Variants in ARRB1 observed in about 807,000 individuals in gnomAD.
ARRB1 encodes the protein arrestin beta 1.
ARRB1 carries 21 observed loss-of-function variants against 56.8 expected under a neutral mutation model. The ratio of observed to expected loss-of-function variants is 0.37; its 90% confidence interval spans 0.26 to 0.53. The LOEUF is 0.53. Among genes scored for constraint, ARRB1 ranks in the 20% least tolerant of loss-of-function variants. The pLI is 0.88. For missense variants in ARRB1, 424 were observed against 553.7 expected, an observed-to-expected ratio of 0.77 and a Z score of 2.35; for synonymous variants, 210 against 218.6, an observed-to-expected ratio of 0.96 and a Z score of 0.35.
At chr11:75,324,606 C>T (rs760042352) in intron 1 of ARRB1, among the ~76,000 whole-genome samples, 1 of 152,034 alleles carries the variant, frequency 6.6e-6, no homozygotes, top group Admixed American at 6.6e-5. Context: ...GGGGAGTGTG[C>T]GTGTGGGTGT....
At chr11:75,310,535 C>G (rs1291127574) in intron 1 of ARRB1, among the ~76,000 whole-genome samples, 4 of 152,176 alleles carry the variant, frequency 2.6e-5, no homozygotes, top group African/African-American at 9.7e-5. Context: ...CGGCACCAGG[C>G]AGTGGGACAC....
In ARRB1 at chr11:75,260,811, G is replaced by A. The variant is rs1945769651; in HGVS notation, c.*5352C>T. ...TCTCACTAAAGTGTCCAGGATTCCT[G>A]GGGGAATCCTGCCCTCAAAGGAGGG... On this transcript the variant is annotated 3_prime_UTR_variant, in exon 16 of 16. Coordinates refer to ENST00000420843, the MANE Select transcript of ARRB1 (RefSeq NM_004041.5). 2.0e-5 allele frequency: 3 copies of A among 152,142 alleles called. No homozygotes were observed. Among genetic ancestry groups the A allele is most frequent in the African/African-American group, 7.2e-5 (3 of 41,424 alleles). 9.4% of individuals were successfully genotyped at this position (152,142 alleles called of 1,614,324 possible).
At chr11:75,304,574 T>G (rs1473382754) in intron 1 of ARRB1, among the ~76,000 whole-genome samples, 1 of 151,644 alleles carries the variant, frequency 6.6e-6, no homozygotes, top group Non-Finnish European at 1.5e-5. Flanking sequence ...TACCGTTGGT[T>G]CTCAGCCGGG....
At chr11:75,267,185 C>A (rs1032429831) in intron 15 of ARRB1, among the ~76,000 whole-genome samples, 7 of 152,350 alleles carry the variant, frequency 4.6e-5, no homozygotes, top group Middle Eastern at 6.8e-3. Flanking sequence ...GGTCCTCCCC[C>A]TCTGGCCACT....
At chr11:75,300,732 C>T (rs1427750556) in intron 1 of ARRB1, among the ~76,000 whole-genome samples, 1 of 148,602 alleles carries the variant, frequency 6.7e-6, no homozygotes, top group Non-Finnish European at 1.5e-5. Flanking sequence ...TTTGGGAGGC[C>T]GAGGCGGGCG....
At chr11:75,288,479 C>A (rs756738086) in intron 2 of ARRB1, among the ~76,000 whole-genome samples, 1 of 152,214 alleles carries the variant, frequency 6.6e-6, no homozygotes, top group Admixed American at 6.5e-5. Context: ...CGATCGCCAT[C>A]ATTATTTCTC....
intron 14 of ARRB1, 27 bp from the exon 15 acceptor site, chr11:75,267,730 G>A (rs372651255): frequency 1.3e-6 from 2 of 1,593,426 alleles, no homozygotes; most frequent in East Asian, 4.5e-5. Context: ...TGGGCAGGGT[G>A]TCCAGGGATT....
intron 1 of ARRB1, among the ~76,000 whole-genome samples, chr11:75,294,627 TGA>T (rs1946688682): frequency 1.3e-5 from 2 of 149,502 alleles, no homozygotes; most frequent in Admixed American, 6.7e-5. Flanking sequence ...ATTTTTTTAA[TGA>T]AATGGAATGG....
intron 13 of ARRB1, chr11:75,271,324 T>A (rs1946070618): frequency 5.5e-6 from 1 of 181,230 alleles, no homozygotes; most frequent in Admixed American, 6.2e-5. Context: ...CCTGAGGACC[T>A]CTCCTTAGCA....
At chr11:75,294,002 A>G (rs530048681) in intron 1 of ARRB1, among the ~76,000 whole-genome samples, 1 of 152,086 alleles carries the variant, frequency 6.6e-6, no homozygotes, top group African/African-American at 2.4e-5. Context: ...CCACTCTGAC[A>G]CTGTTTCCAC....
At chr11:75,344,700 C>A (rs979436062) in intron 1 of ARRB1, among the ~76,000 whole-genome samples, 7 of 152,196 alleles carry the variant, frequency 4.6e-5, no homozygotes, top group Non-Finnish European at 8.8e-5. Flanking sequence ...GCCCAGGAAC[C>A]ATCTGAGATG....
intron 1 of ARRB1, among the ~76,000 whole-genome samples, chr11:75,301,026 C>T (rs1330551255): frequency 6.6e-6 from 1 of 151,056 alleles, no homozygotes; most frequent in East Asian, 1.9e-4. Flanking sequence ...CGCCTGTAGT[C>T]CCAGCTACTC....
intron 1 of ARRB1, among the ~76,000 whole-genome samples, chr11:75,296,719 C>A (rs1490173064): frequency 1.3e-5 from 2 of 151,948 alleles, no homozygotes; most frequent in East Asian, 3.9e-4. Flanking sequence ...ACTCTGTCAC[C>A]CAGGCTGGAG....
rs112483895 is a variant in ARRB1 at position 75,278,598 on chromosome 11, G to A, written c.618+11C>T. 1.0e-3 allele frequency: 1,683 copies of A among 1,613,896 alleles called. 3 individuals carry two copies. The highest frequency in any genetic ancestry group is 6.0e-3 in the African/African-American group (448 of 75,052). ...GCAGCCCCCACCCCCTGCCAAGTCC[G>A]AGCCTCCTACCTCCTTATCCAGAGA... On this transcript the variant is annotated intron_variant, in intron 8 of 15. Coordinates refer to ENST00000420843, the MANE Select transcript of ARRB1 (RefSeq NM_004041.5).
intron 1 of ARRB1, among the ~76,000 whole-genome samples, chr11:75,349,480 A>T (rs935542798): frequency 6.6e-6 from 1 of 152,246 alleles, no homozygotes; most frequent in African/African-American, 2.4e-5. Context: ...CTGGAAGCCC[A>T]TGGTGTCCAC....
At chr11:75,283,619 T>G (rs1946402715) in intron 4 of ARRB1, 136 bp from the exon 5 acceptor site, 3 of 839,252 alleles carry the variant, frequency 3.6e-6, no homozygotes, top group Non-Finnish European at 5.4e-6. Flanking sequence ...ATGGCTGCAC[T>G]GTCTCCACCA....
intron 1 of ARRB1, among the ~76,000 whole-genome samples, chr11:75,326,468 AT>A (rs1355849914): frequency 6.6e-6 from 1 of 152,196 alleles, no homozygotes; most frequent in African/African-American, 2.4e-5. Context: ...CATAATAAAA[AT>A]TTTGTTATTC....
At chr11:75,305,028 T>C (rs1265505449) in intron 1 of ARRB1, among the ~76,000 whole-genome samples, 1 of 139,462 alleles carries the variant, frequency 7.2e-6, no homozygotes, top group African/African-American at 2.6e-5. Context: ...CTTTTTTTTT[T>C]TTTTTTTTTT....
intron 1 of ARRB1, chr11:75,306,787 G>C: frequency 2.7e-6 from 2 of 731,082 alleles, no homozygotes; most frequent in Non-Finnish European, 3.8e-6. Context: ...CTCCTCCTCC[G>C]GGCTTCTCGG....
Sources: allele counts gnomAD v4.1 joint callset (sites outside exome capture counted in the v4.1 genomes callset), GRCh38; gene constraint gnomAD v4.1.1; transcripts MANE v1.5; gene names NCBI Gene and HGNC (gene_info 2026-07-23, HGNC 2026-07-21).